VNN2: variants seen among roughly 807,000 people sequenced by gnomAD.
The protein encoded by VNN2 is pantetheine hydrolase VNN2.
VNN2 carries 43 observed loss-of-function variants against 43.0 expected under a neutral mutation model. That is an observed-to-expected ratio of 1.00 (90% CI 0.78 to 1.29). The LOEUF (loss-of-function observed/expected upper bound fraction) is 1.29. VNN2 is among the 50% of genes most tolerant of loss of function. The pLI is 0.00. For synonymous variants in VNN2, 230 were observed against 224.3 expected (o/e 1.03, Z -0.23); for missense variants, 652 against 619.7 (o/e 1.05, Z -0.55).
intron 3 of VNN2, chr6:132,753,961 A>G (rs1301059309): frequency 1.5e-5 from 1 of 64,610 alleles, no homozygotes; most frequent in Non-Finnish European, 3.2e-5. Context: ...TAAAAAAAAA[A>G]AAAAAAAAAA....
At position 132,747,941 on chromosome 6, in the gene VNN2, C is replaced by T. The variant is rs35888339; in HGVS notation, c.1371+1754G>A. On this transcript the variant is annotated intron_variant, in intron 6 of 6. Transcript: ENST00000326499. ...CTCTAGCATTTTTTTGTCCTTCTCC[C>T]ATGGATGAAGTAGTTTCATCAGGTA... 4.7e-4 allele frequency among the ~76,000 whole-genome samples: 71 copies of T among 152,226 alleles called. 1 individual carries two copies. Among genetic ancestry groups the T allele is most frequent in the African/African-American group, 1.6e-3 (67 of 41,532 alleles).
At chr6:132,759,438 CAAAAAAA>C (rs58195059), upstream of VNN2, among the ~76,000 whole-genome samples, 4,512 of 69,246 alleles carry the variant, frequency 0.065, 245 homozygotes, top group African/African-American at 0.21. Flanking sequence ...AACTCCGTCT[CAAAAAAA>C]AAAAAAAAAA....
rs964947410 is a variant in VNN2, at chr6:132,744,064, T to A, written c.*236A>T. 2.1e-5 allele frequency: 7 copies of A among 338,502 alleles called. No homozygotes were observed. Among genetic ancestry groups the A allele is most frequent in the African/African-American group, 1.3e-4 (6 of 46,210 alleles). The allele number at this position is 338,502 out of a possible 1,614,324, so 21.0% of individuals were successfully genotyped here. ...AGCTGGAGTTTGATCTTCATTTATCTGACCCAAACACCCAGGCTCTTTCCA... is the reference window on the plus strand; with the variant it reads ...AGCTGGAGTTTGATCTTCATTTATCAGACCCAAACACCCAGGCTCTTTCCA... On this transcript the variant is annotated 3_prime_UTR_variant, in exon 7 of 7. Transcript: ENST00000326499.
At chr6:132,751,046 C>A in intron 5 of VNN2, 99 bp downstream of exon 5, 4 of 1,473,944 alleles carry the variant, frequency 2.7e-6, no homozygotes, top group Non-Finnish European at 2.7e-6. Flanking sequence ...TGCATGGAGT[C>A]AAGCCAAGGA....
upstream of VNN2, chr6:132,758,044 T>TCA: frequency 2.5e-6 from 1 of 403,090 alleles, no homozygotes. Context: ...TTCTTCTTTT[T>TCA]TTTTTTTTTT....
chr6:132,751,158 C>G lies in VNN2; in HGVS notation c.1187G>C (p.Arg396Thr). 1 of 1,599,492 alleles carries G rather than the reference C, an allele frequency of 6.3e-7. No individual in the cohort carries two copies. The highest frequency in any genetic ancestry group is 8.5e-7 in the Non-Finnish European group (1 of 1,172,970). The part of the protein sequence containing the change: ...AFTGLHGRRR[R>T]EYWQVCTLLK... ...AACTGAAATTACCTGCCAGTACTCTCTTCTCCTTCGGCCATGTAATCCTGT... is the reference window on the plus strand; with the variant it reads ...AACTGAAATTACCTGCCAGTACTCTGTTCTCCTTCGGCCATGTAATCCTGT... The change falls in exon 5 of 7, where the codon AGA becomes ACA. Residue 396 changes from arginine (R) to threonine (T), a missense_variant. Physicochemically the swap from Arg to Thr is moderately conservative, Grantham distance 71 (BLOSUM62 -1). Transcript: ENST00000326499.
intron 3 of VNN2, chr6:132,754,000 T>C (rs967500299): frequency 3.3e-5 from 5 of 149,388 alleles, no homozygotes; most frequent in African/African-American, 1.3e-4. Flanking sequence ...ACAAAGGTAT[T>C]CTCATTAGGT....
intron 5 of VNN2, among the ~76,000 whole-genome samples, chr6:132,750,161 G>C (rs1391994298): frequency 1.3e-5 from 2 of 151,734 alleles, no homozygotes; most frequent in Admixed American, 6.6e-5. Context: ...GAGATCTTTG[G>C]GCAACAATAG....
chr6:132,753,053 T>C, intron 3 of VNN2: 1 of 260,580 alleles, frequency 3.8e-6, no homozygotes, highest in Admixed American at 4.9e-5. Context: ...TTTAATTTAA[T>C]TTTATTTTTC....
Position 132,757,541 on chromosome 6 carries a change from A to G in VNN2, c.219T>C (p.Ala73=), listed in dbSNP as rs376179683. ...CATCTTCTGGAGTCACAATGATTCGAGCACCCTGTTCAAAACAAGCAAAAT... is the reference window on the plus strand; with the variant it reads ...CATCTTCTGGAGTCACAATGATTCGGGCACCCTGTTCAAAACAAGCAAAAT... The part of the protein sequence containing the change: ...TAIKQAAEQG[A]RIIVTPEDAL... The change falls in exon 2 of 7, where the codon GCT becomes GCC. Residue 73 remains alanine, a synonymous_variant. Coordinates refer to ENST00000326499, the MANE Select transcript of VNN2 (RefSeq NM_004665.6). 6.4e-5 allele frequency: 103 copies of G among 1,613,440 alleles called. No homozygotes were observed. The highest frequency in any genetic ancestry group is 8.7e-5 in the Non-Finnish European group (103 of 1,179,866).
intron 6 of VNN2, among the ~76,000 whole-genome samples, chr6:132,748,465 C>A (rs1779854882): frequency 6.6e-6 from 1 of 152,148 alleles, no homozygotes; most frequent in African/African-American, 2.4e-5. Context: ...GATAACACAG[C>A]AGATACAGAT....
At chr6:132,753,556 C>A in intron 3 of VNN2, 2 of 434,644 alleles carry the variant, frequency 4.6e-6, no homozygotes, top group South Asian at 1.6e-5. Flanking sequence ...TAAAAAAAAA[C>A]TTAGTCTAAT....
At position 132,744,334 on chromosome 6, in the gene VNN2, A is replaced by G; in HGVS notation, c.1529T>C (p.Met510Thr). Residue 510 changes from methionine to threonine, a missense_variant, in exon 7 of 7, where the codon ATG (methionine) becomes ACG (threonine). Transcript: ENST00000326499. Reference protein sequence around the residue: ...ITYLLIFILLMIIALQNIVML With the variant: ...ITYLLIFILLTIIALQNIVML ...TACAATATTTTGCAAAGCTATGATCATTAATAATATGAATATTAGCAGGTA... is the reference window on the plus strand; with the variant it reads ...TACAATATTTTGCAAAGCTATGATCGTTAATAATATGAATATTAGCAGGTA... The G allele has an allele frequency of 3.7e-6, 6 of 1,613,072 alleles. No individual in the cohort carries two copies. Among genetic ancestry groups the G allele is most frequent in the Non-Finnish European group, 5.1e-6 (6 of 1,179,748 alleles).
intron 2 of VNN2, 49 bp from the exon 3 acceptor site, chr6:132,756,084 G>C (rs1562251408): frequency 6.8e-7 from 1 of 1,468,968 alleles, no homozygotes; most frequent in South Asian, 1.4e-5. Context: ...AAATATTTTA[G>C]TCACTTTATA....
At chr6:132,744,629 G>T (rs1322340705) in intron 6 of VNN2, 138 bp from the exon 7 acceptor site, 6 of 781,228 alleles carry the variant, frequency 7.7e-6, no homozygotes, top group Non-Finnish European at 1.1e-5. Flanking sequence ...AGTAGGCCAG[G>T]CAGGGGACAG....
upstream of VNN2, chr6:132,757,983 TTTAC>T: frequency 1.3e-6 from 1 of 757,840 alleles, no homozygotes; most frequent in Non-Finnish European, 1.9e-6. Flanking sequence ...TTACTGGCCT[TTTAC>T]TTTATCATCA....
chr6:132,758,040 T>TTA, upstream of VNN2: 2 of 185,730 alleles, frequency 1.1e-5, no homozygotes, highest in Admixed American at 8.8e-5. Flanking sequence ...CTTCTTCTTC[T>TTA]TTTTTTTTTT....
In VNN2 at chr6:132,752,514, A is replaced by T. The variant is rs560768824; in HGVS notation, c.773T>A (p.Met258Lys). 1 of 1,614,114 alleles carries T rather than the reference A, an allele frequency of 6.2e-7. No individual in the cohort carries two copies. The highest frequency in any genetic ancestry group is 1.1e-5 in the South Asian group (1 of 91,080). Residue 258 changes from methionine to lysine, a missense_variant, in exon 4 of 7, where the codon ATG becomes AAG. Physicochemically the swap from Met to Lys is moderately conservative, Grantham distance 95. Coordinates refer to ENST00000326499, the MANE Select transcript of VNN2 (RefSeq NM_004665.6). Reference protein sequence around the residue: ...IEFHSAWAMGMGVNLLVANTH... With the variant: ...IEFHSAWAMGKGVNLLVANTH... ...GTTGGCCACAAGAAGATTAACTCCC[A>T]TTCCCATTGCCCAAGCTGAATGGAA...
Position 132,756,014 on chromosome 6 carries a change from T to C in VNN2, c.366A>G (p.Gln122=). The change falls in exon 3 of 7, where the codon CAA becomes CAG. Residue 122 remains glutamine (Q), a synonymous_variant. Coordinates refer to ENST00000326499, the MANE Select transcript of VNN2 (RefSeq NM_004665.6). ...CCTTGGCCAGGCAGCTGAGTCTTGC[T>C]TGTACTGGTGTGTGACCAAATCTAA... is the stretch of plus-strand genomic sequence containing the variant. ...DPHRFGHTPV[Q]ARLSCLAKDN... 1.2e-6 allele frequency: 2 copies of C among 1,612,504 alleles called. No homozygotes were observed. The highest frequency in any genetic ancestry group is 2.2e-5 in the South Asian group (2 of 90,788).
Sources: gnomAD v4.1 joint callset for allele counts (sites outside exome capture counted in the v4.1 genomes callset) on GRCh38, gnomAD v4.1.1 for gene constraint, MANE v1.5 for transcripts, NCBI Gene and HGNC (gene_info 2026-07-23, HGNC 2026-07-21) for gene names.